Variants in LRMDA observed in about 807,000 individuals in gnomAD.
The protein encoded by LRMDA is leucine-rich melanocyte differentiation-associated protein.
In LRMDA, 18 loss-of-function variants were observed where a neutral mutation model predicts 29.8. The ratio of observed to expected loss-of-function variants is 0.60; its 90% confidence interval spans 0.42 to 0.90. The LOEUF is 0.90. Among genes scored for constraint, LRMDA ranks in the 40% least tolerant of loss-of-function variants. The probability of loss-of-function intolerance (pLI) is 0.00; values close to 1 mark genes in which losing one functional copy is unlikely to be tolerated. For synonymous variants in LRMDA, 125 were observed against 109.4 expected (o/e 1.14, Z -0.89); for missense variants, 273 against 273.9 (o/e 1.00, Z 0.02).
chr10:76,118,840 CTTTTTTTTTT>C (rs962279433), intron 5 of LRMDA, among the ~76,000 whole-genome samples: 16 of 46,008 alleles, frequency 3.5e-4, no homozygotes, highest in Non-Finnish European at 4.6e-4. Context: ...TGCAAATACA[CTTTTTTTTTT>C]TTTTTTTTTT....
At chr10:76,046,130 C>T in intron 3 of LRMDA, among the ~76,000 whole-genome samples, 1 of 113,674 alleles carries the variant, frequency 8.8e-6, no homozygotes, top group East Asian at 2.1e-4. Context: ...TATCTGCCAA[C>T]TTGGTTAACC....
chr10:76,468,585 G>T (rs898790973), intron 6 of LRMDA, among the ~76,000 whole-genome samples: 2 of 152,114 alleles, frequency 1.3e-5, no homozygotes, highest in African/African-American at 4.8e-5. Flanking sequence ...TTTTTCACAT[G>T]AGGGATGATT....
At chr10:76,516,994 A>G (rs1277979309) in intron 6 of LRMDA, among the ~76,000 whole-genome samples, 1 of 152,188 alleles carries the variant, frequency 6.6e-6, no homozygotes, top group African/African-American at 2.4e-5. Context: ...ATAGACTATC[A>G]TTGAAGAGAG....
intron 2 of LRMDA, among the ~76,000 whole-genome samples, chr10:75,994,710 G>A (rs1027629215): frequency 6.6e-6 from 1 of 152,118 alleles, no homozygotes; most frequent in African/African-American, 2.4e-5. Context: ...TGAAGTCACC[G>A]TGTTTTTTAT....
intron 5 of LRMDA, among the ~76,000 whole-genome samples, chr10:76,238,381 A>G (rs76277493): frequency 2.6e-5 from 4 of 152,126 alleles, no homozygotes; most frequent in Non-Finnish European, 5.9e-5. Context: ...TTATTAAGTG[A>G]CAGAGCCACG....
chr10:75,583,235 G>A (rs553953311), intron 2 of LRMDA, among the ~76,000 whole-genome samples: 2 of 152,258 alleles, frequency 1.3e-5, no homozygotes, highest in South Asian at 4.1e-4. Context: ...CCAATTTTCT[G>A]TATTGGTCCA....
chr10:75,658,295 G>GAA (rs10649469), intron 2 of LRMDA, among the ~76,000 whole-genome samples: 16,246 of 76,498 alleles, frequency 0.21, 2,138 homozygotes, highest in African/African-American at 0.38. Flanking sequence ...CAAAGAAAAT[G>GAA]AAAAAAAAAA....
intron 5 of LRMDA, among the ~76,000 whole-genome samples, chr10:76,069,035 C>T (rs1400825057): frequency 6.6e-6 from 1 of 152,218 alleles, no homozygotes; most frequent in Non-Finnish European, 1.5e-5. Flanking sequence ...CCTGTTTCTC[C>T]TCACCAACAC....
chr10:75,984,620 CATCCTACATAAG>C (rs1847232077), intron 2 of LRMDA, among the ~76,000 whole-genome samples: 1 of 152,262 alleles, frequency 6.6e-6, no homozygotes, highest in Non-Finnish European at 1.5e-5. Context: ...GGGACCGCAT[CATCCTACATAAG>C]ATCAGCGCAT....
intron 2 of LRMDA, among the ~76,000 whole-genome samples, chr10:75,515,473 A>G (rs535593549): frequency 6.6e-6 from 1 of 152,178 alleles, no homozygotes; most frequent in Non-Finnish European, 1.5e-5. Flanking sequence ...CCTGGAATTA[A>G]GTGCTTCTCC....
chr10:75,993,011 AAAG>A (rs1847398352), intron 2 of LRMDA, among the ~76,000 whole-genome samples: 1 of 152,202 alleles, frequency 6.6e-6, no homozygotes, highest in South Asian at 2.1e-4. Flanking sequence ...AGGTGGAAAA[AAAG>A]AAGAGAGTGT....
At chr10:76,555,810 A>G (rs944079782) in intron 6 of LRMDA, among the ~76,000 whole-genome samples, 6 of 147,958 alleles carry the variant, frequency 4.1e-5, no homozygotes, top group Non-Finnish European at 8.8e-5. Flanking sequence ...GTTTCACACT[A>G]TCACACTGAT....
chr10:75,946,498 A>C lies in LRMDA; in HGVS notation c.132-89510A>C, dbSNP rs148101730. Among the ~76,000 whole-genome samples the C allele has an allele frequency of 1.6e-3, 237 of 152,292 alleles. 3 individuals are homozygous for C. In the East Asian group the frequency reaches 0.03, roughly 19 times the overall value. On this transcript the variant is annotated intron_variant, in intron 2 of 6. Coordinates refer to ENST00000611255, the MANE Select transcript of LRMDA (RefSeq NM_001305581.2). ...TGGTGCACCAGCCATAAATCCTGAG[A>C]AGAATAATGCCAGATTCATCTGGCT...
chr10:75,706,985 G>A (rs1842377830), intron 2 of LRMDA, among the ~76,000 whole-genome samples: 1 of 152,168 alleles, frequency 6.6e-6, no homozygotes, highest in Admixed American at 6.5e-5. Context: ...AGCTTTTGTA[G>A]TGATTGTTGT....
At chr10:75,496,898 G>A (rs1311469463) in intron 2 of LRMDA, among the ~76,000 whole-genome samples, 2 of 151,868 alleles carry the variant, frequency 1.3e-5, no homozygotes, top group Middle Eastern at 3.4e-3. Flanking sequence ...TACATGAGGG[G>A]TATATACACA....
In LRMDA at chr10:76,280,010, G is replaced by A. The variant is rs187905972; in HGVS notation, c.517-44391G>A. Reference sequence around the variant, plus strand: ...GTGAGTGAGTGTGTGTGGCAGAAAGGATCCAGAGTAGATGACTGGTGAAAT... The same window carrying A: ...GTGAGTGAGTGTGTGTGGCAGAAAGAATCCAGAGTAGATGACTGGTGAAAT... On this transcript the variant is annotated intron_variant, in intron 5 of 6. Transcript: ENST00000611255. Among the ~76,000 whole-genome samples, 25 of 152,286 alleles carry A rather than the reference G, an allele frequency of 1.6e-4. No individual in the cohort carries two copies. The East Asian group carries it at 4.4e-3, about 27-fold the overall frequency.
intron 5 of LRMDA, among the ~76,000 whole-genome samples, chr10:76,213,336 AC>A (rs1204665193): frequency 3.3e-5 from 5 of 152,186 alleles, no homozygotes; most frequent in Non-Finnish European, 7.3e-5. Flanking sequence ...TGGTAATTTT[AC>A]CCAAGACCCT....
chr10:75,763,404 T>C (rs908793191), intron 2 of LRMDA, among the ~76,000 whole-genome samples: 14 of 152,194 alleles, frequency 9.2e-5, no homozygotes, highest in Non-Finnish European at 1.5e-5. Flanking sequence ...CAACTTTCCC[T>C]TAAAATCAGA....
At chr10:76,351,126 C>A (rs567723304) in intron 6 of LRMDA, among the ~76,000 whole-genome samples, 1 of 152,068 alleles carries the variant, frequency 6.6e-6, no homozygotes, top group African/African-American at 2.4e-5. Flanking sequence ...CTGGCACCAG[C>A]ACTTATTGAT....
Sources: gnomAD v4.1 joint callset for allele counts (sites outside exome capture counted in the v4.1 genomes callset) on GRCh38, gnomAD v4.1.1 for gene constraint, MANE v1.5 for transcripts, NCBI Gene and HGNC (gene_info 2026-07-23, HGNC 2026-07-21) for gene names.